DHRSX: variants seen among roughly 807,000 people sequenced by gnomAD.
DHRSX encodes dehydrogenase/reductase X-linked.
A neutral mutation model predicts 34.0 loss-of-function variants in DHRSX; 31 were observed. That is an observed-to-expected ratio of 0.91 (90% CI 0.69 to 1.23). The LOEUF (loss-of-function observed/expected upper bound fraction) is 1.23, where lower values mean the gene tolerates loss of function less well. DHRSX is among the 50% of genes most tolerant of loss of function. DHRSX has a pLI of 0.00. For missense variants in DHRSX, 414 were observed against 428.1 expected (o/e 0.97, Z 0.29); for synonymous variants, 201 against 183.8 (o/e 1.09, Z -0.76).
At chrX:2,385,931 C>A (rs185570724) in intron 3 of DHRSX, among the ~76,000 whole-genome samples, 1 of 152,084 alleles carries the variant, frequency 6.6e-6, no homozygotes, top group African/African-American at 2.4e-5. Context: ...ATACTACACA[C>A]CTTAGGATTT....
intron 1 of DHRSX, among the ~76,000 whole-genome samples, chrX:2,498,794 G>A (rs1459038621): frequency 6.6e-6 from 1 of 152,044 alleles, no homozygotes; most frequent in East Asian, 1.9e-4. Context: ...AAAACTGCCC[G>A]GATAAACATA....
chrX:2,425,824 C>T lies in DHRSX; in HGVS notation c.110-520G>A, dbSNP rs945355272. Among the ~76,000 whole-genome samples the T allele has an allele frequency of 2.6e-5, 4 of 152,248 alleles. No individual in the cohort carries two copies. In the East Asian group the frequency reaches 5.8e-4, roughly 22 times the overall value. On this transcript the variant is annotated intron_variant, in intron 1 of 6. Coordinates refer to ENST00000334651, the MANE Select transcript of DHRSX (RefSeq NM_145177.3). ...GACACCACTCAGGACCACACAGGGG[C>T]GCACCAAGTTTGGTCAGGTGGGAAG...
intron 1 of DHRSX, among the ~76,000 whole-genome samples, chrX:2,434,635 C>T (rs2043971089): frequency 6.6e-6 from 1 of 152,190 alleles, no homozygotes; most frequent in Non-Finnish European, 1.5e-5. Flanking sequence ...TGCACCACTG[C>T]ACTCCAGCCT....
intron 5 of DHRSX, among the ~76,000 whole-genome samples, chrX:2,254,597 G>A (rs1424081520): frequency 1.3e-5 from 2 of 151,976 alleles, no homozygotes; most frequent in African/African-American, 2.4e-5. Flanking sequence ...TCTTGATAAC[G>A]ATCCGCCTAC....
At chrX:2,451,319 G>C (rs1382245751) in intron 1 of DHRSX, among the ~76,000 whole-genome samples, 1 of 151,540 alleles carries the variant, frequency 6.6e-6, no homozygotes, top group Non-Finnish European at 1.5e-5. Context: ...CTGGGCCCTG[G>C]AACTGCACAG....
intron 3 of DHRSX, among the ~76,000 whole-genome samples, chrX:2,369,062 C>G (rs1279207690): frequency 2.6e-5 from 4 of 152,036 alleles, no homozygotes; most frequent in African/African-American, 9.7e-5. Context: ...TCATTTCTAC[C>G]CTATAGAAGC....
chrX:2,444,971 A>G (rs2044110109), intron 1 of DHRSX, among the ~76,000 whole-genome samples: 1 of 152,200 alleles, frequency 6.6e-6, no homozygotes, highest in Non-Finnish European at 1.5e-5. Context: ...AGCCTGGCCA[A>G]CATGGAGAAA....
chrX:2,220,894 G>T lies in DHRSX; in HGVS notation c.*147C>A. 1 of 668,938 alleles carries T rather than the reference G, an allele frequency of 1.5e-6. No individual in the cohort carries two copies. Among genetic ancestry groups the T allele is most frequent in the Non-Finnish European group, 2.5e-6 (1 of 401,448 alleles). The allele number at this position is 668,938 out of a possible 1,614,324, so 41.4% of individuals were successfully genotyped here. ...ATTTGGCTTCTTGAAGTTCTGCAGA[G>T]GTTGAGGCAGCTGTCTCAAAACTAG... On this transcript the variant is annotated 3_prime_UTR_variant, in exon 7 of 7. Coordinates refer to ENST00000334651, the MANE Select transcript of DHRSX (RefSeq NM_145177.3).
rs2016194550 is a variant in DHRSX at position 2,243,533 on chromosome X, C to A, written c.597-303G>T. ...CAGAGTCCCCCCTCTGTCGCCCAGG[C>A]TGGAGTGCAGTGGTGCAATCTTGGC... On this transcript the variant is annotated intron_variant, in intron 5 of 6. Coordinates refer to ENST00000334651, the MANE Select transcript of DHRSX (RefSeq NM_145177.3). Among the ~76,000 whole-genome samples the A allele has an allele frequency of 2.0e-5, 3 of 152,018 alleles. No individual in the cohort carries two copies. In the South Asian group the frequency reaches 6.2e-4, roughly 32 times the overall value.
chrX:2,300,334 G>T (rs762303286), intron 3 of DHRSX, among the ~76,000 whole-genome samples: 1 of 152,132 alleles, frequency 6.6e-6, no homozygotes, highest in Non-Finnish European at 1.5e-5. Context: ...TGAGGCCCTC[G>T]TCCAGTAGGA....
At position 2,397,472 on chromosome X, in the gene DHRSX, CTG is replaced by C. The variant is rs763291791; in HGVS notation, c.286+11271_286+11272del. On this transcript the variant is annotated intron_variant, in intron 3 of 6. Transcript: ENST00000334651. ...CTCTTGAGACACGGTGGGAAAGAAA[CTG>C]TGAATAGTTATTTTCACACGTGCCG... Among the ~76,000 whole-genome samples the C allele has an allele frequency of 9.9e-5, 15 of 152,146 alleles. No homozygotes were observed. The South Asian group carries it at 3.1e-3, about 32-fold the overall frequency.
chrX:2,274,891 T>C (rs934124915), intron 4 of DHRSX, among the ~76,000 whole-genome samples: 1 of 152,124 alleles, frequency 6.6e-6, no homozygotes, highest in Non-Finnish European at 1.5e-5. Flanking sequence ...AATTTTCCTC[T>C]TCCTATGTAA....
chrX:2,263,851 G>A (rs1348268127), intron 5 of DHRSX, among the ~76,000 whole-genome samples: 1 of 152,154 alleles, frequency 6.6e-6, no homozygotes, highest in Non-Finnish European at 1.5e-5. Context: ...AAACTAAGAT[G>A]ATTATTCCCA....
intron 1 of DHRSX, among the ~76,000 whole-genome samples, chrX:2,451,796 C>G (rs2044221906): frequency 6.6e-6 from 1 of 152,164 alleles, no homozygotes; most frequent in South Asian, 2.1e-4. Flanking sequence ...CAAGGGACCG[C>G]CACTGTGTAT....
intron 1 of DHRSX, among the ~76,000 whole-genome samples, chrX:2,481,261 G>A (rs1569505588): frequency 6.6e-6 from 1 of 152,132 alleles, no homozygotes; most frequent in Non-Finnish European, 1.5e-5. Context: ...CAGTTTCGAG[G>A]ACAGCTGTGA....
chrX:2,374,780 C>T (rs1351867893), intron 3 of DHRSX, among the ~76,000 whole-genome samples: 4 of 135,508 alleles, frequency 3.0e-5, no homozygotes, highest in Admixed American at 1.5e-4. Flanking sequence ...AAAGTCTTCT[C>T]GAAACAGACC....
intron 3 of DHRSX, among the ~76,000 whole-genome samples, chrX:2,303,171 C>A (rs1429050676): frequency 6.6e-6 from 1 of 152,004 alleles, no homozygotes; most frequent in Non-Finnish European, 1.5e-5. Context: ...TTTTCTTGCT[C>A]CTTGAGAAAA....
At chrX:2,446,023 T>G (rs1212677285) in intron 1 of DHRSX, among the ~76,000 whole-genome samples, 1 of 146,036 alleles carries the variant, frequency 6.8e-6, no homozygotes, top group Non-Finnish European at 1.5e-5. Flanking sequence ...CTGCTGTGTA[T>G]TCACTAAAGA....
intron 5 of DHRSX, among the ~76,000 whole-genome samples, chrX:2,243,788 G>GT (rs778957532): frequency 0.011 from 288 of 25,154 alleles, 16 homozygotes; most frequent in Non-Finnish European, 0.02. Flanking sequence ...TATGCTCCCT[G>GT]TTTTTTTTTT....
Sources: allele counts gnomAD v4.1 joint callset (sites outside exome capture counted in the v4.1 genomes callset), GRCh38; gene constraint gnomAD v4.1.1; transcripts MANE v1.5; gene names NCBI Gene and HGNC (gene_info 2026-07-23, HGNC 2026-07-21).